The following SGCZ variants were observed in gnomAD, a reference collection of about 807,000 sequenced individuals.
SGCZ encodes the protein zeta-sarcoglycan.
SGCZ carries 40 observed loss-of-function variants against 41.3 expected under a neutral mutation model. The observed-to-expected ratio is 0.97, with a 90% CI of 0.75 to 1.26. The LOEUF is 1.26. SGCZ is among the 50% of genes most tolerant of loss of function. The probability of loss-of-function intolerance (pLI) is 0.00; values close to 1 mark genes in which losing one functional copy is unlikely to be tolerated. For synonymous variants in SGCZ, 206 were observed against 137.5 expected, an observed-to-expected ratio of 1.50 and a Z score of -3.49; for missense variants, 552 against 369.8, an observed-to-expected ratio of 1.49 and a Z score of -4.04.
At chr8:14,369,706 G>C (rs921130611) in intron 2 of SGCZ, among the ~76,000 whole-genome samples, 11 of 151,772 alleles carry the variant, frequency 7.2e-5, no homozygotes, top group African/African-American at 2.7e-4. Flanking sequence ...AAAAAGTAAT[G>C]ATTTTTCTAA....
intron 1 of SGCZ, among the ~76,000 whole-genome samples, chr8:14,972,204 G>A (rs564926732): frequency 6.6e-6 from 1 of 152,106 alleles, no homozygotes; most frequent in Non-Finnish European, 1.5e-5. Context: ...TTTAAAATAT[G>A]GGCATACATT....
chr8:14,314,167 G>A (rs759728381), intron 3 of SGCZ, among the ~76,000 whole-genome samples: 1 of 151,942 alleles, frequency 6.6e-6, no homozygotes, highest in Non-Finnish European at 1.5e-5. Context: ...ATGCTTTTTT[G>A]TTTGTTTATT....
At chr8:14,739,413 T>C (rs1006248522) in intron 1 of SGCZ, among the ~76,000 whole-genome samples, 1 of 152,072 alleles carries the variant, frequency 6.6e-6, no homozygotes, top group African/African-American at 2.4e-5. Flanking sequence ...AAACTTCATA[T>C]GATTTAAAAG....
chr8:14,294,403 A>C (rs1800945341), intron 3 of SGCZ, among the ~76,000 whole-genome samples: 1 of 151,880 alleles, frequency 6.6e-6, no homozygotes, highest in African/African-American at 2.4e-5. Context: ...CCAAAAATCT[A>C]AGGAAAGAAA....
intron 2 of SGCZ, chr8:14,332,645 G>A (rs890235330): frequency 1.3e-5 from 2 of 151,494 alleles, no homozygotes; most frequent in Non-Finnish European, 2.9e-5. Flanking sequence ...TTCTCACTAC[G>A]GTACTTGAAT....
rs564305316 is a variant in SGCZ, at chr8:14,087,405, A to T, written c.*3038T>A. Among the ~76,000 whole-genome samples, 4 of 151,722 alleles carry T rather than the reference A, an allele frequency of 2.6e-5. 1 individual carries two copies. The highest frequency in any genetic ancestry group is 9.6e-5 in the African/African-American group (4 of 41,504). ...TGTGATCCCCCAAACCTGAATTCAG[A>T]TACATCTCGGTTTATCCATTCCTGG... On this transcript the variant is annotated 3_prime_UTR_variant, in exon 8 of 8. Coordinates refer to ENST00000382080, the MANE Select transcript of SGCZ (RefSeq NM_139167.4).
chr8:14,683,548 T>A (rs1199867466), intron 1 of SGCZ, among the ~76,000 whole-genome samples: 1 of 152,150 alleles, frequency 6.6e-6, no homozygotes, highest in Non-Finnish European at 1.5e-5. Flanking sequence ...ATTCATCAAG[T>A]AAATTATATT....
chr8:15,084,820 G>A (rs1286846285), intron 1 of SGCZ, among the ~76,000 whole-genome samples: 1 of 151,974 alleles, frequency 6.6e-6, no homozygotes, highest in African/African-American at 2.4e-5. Flanking sequence ...ACATATTTTT[G>A]GCTACTGGAC....
intron 1 of SGCZ, among the ~76,000 whole-genome samples, chr8:14,922,159 G>A (rs1177302069): frequency 1.3e-5 from 2 of 151,974 alleles, no homozygotes; most frequent in East Asian, 2.0e-4. Context: ...GGAACCAGCT[G>A]TGTAAAAGAT....
At chr8:15,159,693 G>T (rs2117037355) in intron 1 of SGCZ, among the ~76,000 whole-genome samples, 1 of 144,280 alleles carries the variant, frequency 6.9e-6, no homozygotes, top group Non-Finnish European at 1.5e-5. Flanking sequence ...GAGTTTGAAG[G>T]TTTTTTTATT....
chr8:14,784,439 T>C (rs564402219), intron 1 of SGCZ, among the ~76,000 whole-genome samples: 2 of 152,244 alleles, frequency 1.3e-5, no homozygotes, highest in East Asian at 3.9e-4. Context: ...ATCAGGGTTT[T>C]TGTCATACTT....
intron 1 of SGCZ, among the ~76,000 whole-genome samples, chr8:14,994,107 T>C (rs759773406): frequency 2.6e-5 from 4 of 152,202 alleles, no homozygotes; most frequent in African/African-American, 4.8e-5. Context: ...ATAGGACTTA[T>C]CTTTAGTTCA....
chr8:14,831,369 C>A (rs1389087699), intron 1 of SGCZ, among the ~76,000 whole-genome samples: 2 of 152,102 alleles, frequency 1.3e-5, no homozygotes, highest in East Asian at 3.9e-4. Flanking sequence ...GCAATCAAAA[C>A]AAGATAATCT....
rs192155279 is a variant in SGCZ at position 14,123,467 on chromosome 8, A to T, written c.548-15232T>A. On this transcript the variant is annotated intron_variant, in intron 5 of 7. Transcript: ENST00000382080. ...ACTTAATATAGAGAGATTTGAAAAT[A>T]TTATATTGTGATTAAATCATTCTTA... 2.6e-5 allele frequency among the ~76,000 whole-genome samples: 4 copies of T among 152,276 alleles called. No individual in the cohort carries two copies. The East Asian group carries it at 7.7e-4, about 29-fold the overall frequency.
At chr8:14,914,459 C>T (rs1382764630) in intron 1 of SGCZ, among the ~76,000 whole-genome samples, 5 of 151,948 alleles carry the variant, frequency 3.3e-5, no homozygotes, top group East Asian at 1.9e-4. Flanking sequence ...TTTTCTCTAT[C>T]GCTGGAGTTT....
intron 1 of SGCZ, among the ~76,000 whole-genome samples, chr8:15,183,269 A>G (rs1800231862): frequency 6.6e-6 from 1 of 152,202 alleles, no homozygotes; most frequent in African/African-American, 2.4e-5. Flanking sequence ...ACTGTACATA[A>G]TTTTCTATGC....
intron 1 of SGCZ, among the ~76,000 whole-genome samples, chr8:15,168,698 C>T (rs1453034961): frequency 6.6e-6 from 1 of 152,196 alleles, no homozygotes; most frequent in Non-Finnish European, 1.5e-5. Flanking sequence ...ATTTCGAATG[C>T]ATCCTGAACC....
At chr8:15,083,800 C>T (rs1805849069) in intron 1 of SGCZ, among the ~76,000 whole-genome samples, 1 of 151,970 alleles carries the variant, frequency 6.6e-6, no homozygotes, top group Non-Finnish European at 1.5e-5. Flanking sequence ...CCCTACGTTC[C>T]CCAGGCTGGT....
intron 4 of SGCZ, among the ~76,000 whole-genome samples, chr8:14,221,708 G>A (rs981395911): frequency 6.6e-5 from 10 of 152,120 alleles, no homozygotes; most frequent in Non-Finnish European, 2.9e-5. Flanking sequence ...GACCGAGGAA[G>A]GCAGATCACC....
Sources: gnomAD v4.1 joint callset for allele counts (sites outside exome capture counted in the v4.1 genomes callset) on GRCh38, gnomAD v4.1.1 for gene constraint, MANE v1.5 for transcripts, NCBI Gene and HGNC (gene_info 2026-07-23, HGNC 2026-07-21) for gene names.